Variants in BICD1 observed in about 807,000 individuals in gnomAD.
The protein encoded by BICD1 is BICD cargo adaptor 1, also known as protein bicaudal D homolog 1.
In BICD1, 35 loss-of-function variants were observed where a neutral mutation model predicts 92.5. The observed-to-expected ratio is 0.38, with a 90% CI of 0.29 to 0.50. BICD1 has a LOEUF of 0.50. BICD1 is among the 20% of genes least tolerant of loss of function. The pLI, the probability that BICD1 is intolerant of heterozygous loss-of-function variation, is 0.93. For missense variants in BICD1, 950 were observed against 1,189.8 expected (o/e 0.80, Z 2.97); for synonymous variants, 429 against 465.1 (o/e 0.92, Z 1.00).
At chr12:32,127,375 C>T (rs1050794204) in intron 1 of BICD1, among the ~76,000 whole-genome samples, 1 of 152,056 alleles carries the variant, frequency 6.6e-6, no homozygotes, top group African/African-American at 2.4e-5. Flanking sequence ...GATTCCACCC[C>T]ACCCCCCAAT....
intron 2 of BICD1, among the ~76,000 whole-genome samples, chr12:32,236,524 A>G (rs1047705911): frequency 2.0e-5 from 3 of 152,130 alleles, no homozygotes; most frequent in Admixed American, 6.5e-5. Context: ...CATGAGACAC[A>G]ACAATATTGA....
intron 2 of BICD1, among the ~76,000 whole-genome samples, chr12:32,285,936 C>T (rs1051966411): frequency 1.3e-5 from 2 of 152,114 alleles, no homozygotes; most frequent in Admixed American, 1.3e-4. Flanking sequence ...AGAACATGCC[C>T]CTAGAATATA....
chr12:32,258,899 T>A (rs1159779868), intron 2 of BICD1, among the ~76,000 whole-genome samples: 1 of 152,086 alleles, frequency 6.6e-6, no homozygotes, highest in East Asian at 1.9e-4. Flanking sequence ...AGGGAGGGGT[T>A]TAAGCCTCCG....
chr12:32,347,523 A>G (rs1938676525), intron 8 of BICD1, among the ~76,000 whole-genome samples: 1 of 151,788 alleles, frequency 6.6e-6, no homozygotes, highest in African/African-American at 2.4e-5. Context: ...CTGTAATCCC[A>G]GCTACTTGGG....
At chr12:32,177,539 C>T (rs565639187) in intron 1 of BICD1, among the ~76,000 whole-genome samples, 7 of 148,322 alleles carry the variant, frequency 4.7e-5, no homozygotes, top group East Asian at 2.0e-4. Flanking sequence ...TATATGTTCG[C>T]GATTCTATAG....
intron 6 of BICD1, among the ~76,000 whole-genome samples, chr12:32,335,669 A>T (rs1938085180): frequency 6.7e-6 from 1 of 148,482 alleles, no homozygotes; most frequent in Non-Finnish European, 1.5e-5. Flanking sequence ...CAGCCTGGAC[A>T]TCCTGGACTC....
intron 1 of BICD1, among the ~76,000 whole-genome samples, chr12:32,121,843 T>C (rs1473238462): frequency 2.0e-5 from 3 of 149,146 alleles, no homozygotes; most frequent in African/African-American, 5.0e-5. Context: ...AGACAGGGTC[T>C]CACTCTCTTG....
intron 3 of BICD1, among the ~76,000 whole-genome samples, chr12:32,295,945 G>A (rs918040261): frequency 1.4e-4 from 22 of 152,112 alleles, no homozygotes; most frequent in African/African-American, 4.6e-4. Context: ...GAGCCACAGC[G>A]TCTGGCCAAA....
chr12:32,342,202 GTGTATATATATATA>G (rs1403380804), intron 8 of BICD1, among the ~76,000 whole-genome samples: 15 of 98,466 alleles, frequency 1.5e-4, no homozygotes, highest in African/African-American at 5.9e-4. Context: ...ATGTGTGTGT[GTGTATATATATATA>G]TATATATATA....
chr12:32,178,711 T>C (rs1944189096), intron 1 of BICD1, among the ~76,000 whole-genome samples: 1 of 151,998 alleles, frequency 6.6e-6, no homozygotes. Flanking sequence ...AGGGATCTCA[T>C]GACTTAGCAA....
At chr12:32,162,992 A>G (rs937500241) in intron 1 of BICD1, among the ~76,000 whole-genome samples, 1 of 152,074 alleles carries the variant, frequency 6.6e-6, no homozygotes, top group Non-Finnish European at 1.5e-5. Context: ...TCTTAAAAAA[A>G]TAAAAAATAA....
chr12:32,122,944 C>G (rs906332826), intron 1 of BICD1, among the ~76,000 whole-genome samples: 1 of 152,212 alleles, frequency 6.6e-6, no homozygotes, highest in African/African-American at 2.4e-5. Context: ...TTCATTCATT[C>G]ATTCCTACAA....
intron 8 of BICD1, 51 bp from the exon 9 acceptor site, chr12:32,367,619 C>G (rs1939571241): frequency 6.4e-7 from 1 of 1,552,000 alleles, no homozygotes; most frequent in South Asian, 1.1e-5. Flanking sequence ...TTACTAACAC[C>G]TTGCTCTGTC....
rs147619114 is a variant in BICD1 at position 32,193,691 on chromosome 12, T to G, written c.214-22556T>G. Among the ~76,000 whole-genome samples the G allele has an allele frequency of 4.3e-3, 652 of 152,182 alleles. 3 individuals carry two copies. The highest frequency in any genetic ancestry group is 0.015 in the African/African-American group (621 of 41,532). On this transcript the variant is annotated intron_variant, in intron 1 of 9. Coordinates refer to ENST00000652176, the MANE Select transcript of BICD1 (RefSeq NM_001714.4). ...TAGAAAATATAAACGACCAAATAAGTAAGGAGATTAAATGAGTCATCAAAA... is the reference window on the plus strand; with the variant it reads ...TAGAAAATATAAACGACCAAATAAGGAAGGAGATTAAATGAGTCATCAAAA...
In BICD1 at chr12:32,120,897, A is replaced by G. The variant is rs78807676; in HGVS notation, c.213+13353A>G. ...AGAGAGAGAGAGAGAGAGAGAGAGA[A>G]AAAAAAAAGGAAAAAATATAATGTG... is the stretch of plus-strand genomic sequence containing the variant. On this transcript the variant is annotated intron_variant, in intron 1 of 9. Transcript: ENST00000652176. 8.9e-3 allele frequency among the ~76,000 whole-genome samples: 727 copies of G among 82,144 alleles called. 5 individuals carry two copies. Among genetic ancestry groups the G allele is most frequent in the Middle Eastern group, 0.025 (4 of 160 alleles). The allele number at this position is 82,144 out of a possible 152,430, so 53.9% of individuals were successfully genotyped here.
At chr12:32,239,124 G>A (rs1946160508) in intron 2 of BICD1, among the ~76,000 whole-genome samples, 1 of 151,210 alleles carries the variant, frequency 6.6e-6, no homozygotes, top group South Asian at 2.1e-4. Flanking sequence ...GCAGGTGCCT[G>A]TAGTCCCAGC....
chr12:32,265,107 G>A (rs1169432320), intron 2 of BICD1, among the ~76,000 whole-genome samples: 1 of 151,812 alleles, frequency 6.6e-6, no homozygotes, highest in Non-Finnish European at 1.5e-5. Flanking sequence ...TGGGGTCTCT[G>A]GGTTTCCCCT....
intron 2 of BICD1, among the ~76,000 whole-genome samples, chr12:32,219,348 T>G (rs1033331913): frequency 6.6e-6 from 1 of 152,170 alleles, no homozygotes; most frequent in Non-Finnish European, 1.5e-5. Flanking sequence ...CTTCCATAAA[T>G]AGTAGTTACA....
intron 1 of BICD1, among the ~76,000 whole-genome samples, chr12:32,133,874 C>T (rs139809401): frequency 0.016 from 2,428 of 151,862 alleles, 23 homozygotes; most frequent in African/African-American, 0.026. Context: ...CTCCGCCTCC[C>T]GGGTTCACGC....
Sources: allele counts gnomAD v4.1 joint callset (sites outside exome capture counted in the v4.1 genomes callset), GRCh38; gene constraint gnomAD v4.1.1; transcripts MANE v1.5; gene names NCBI Gene and HGNC (gene_info 2026-07-23, HGNC 2026-07-21).